YEATS2: variants seen among roughly 807,000 people sequenced by gnomAD.
The protein encoded by YEATS2 is YEATS domain-containing protein 2.
In YEATS2, 77 loss-of-function variants were observed where a neutral mutation model predicts 163.2. The ratio of observed to expected loss-of-function variants is 0.47; its 90% CI spans 0.39 to 0.57. YEATS2 has a LOEUF of 0.57. Ranked by LOEUF, YEATS2 falls within the 20% of genes least tolerant of loss-of-function variation. The pLI, the probability that YEATS2 is intolerant of heterozygous loss-of-function variation, is 0.00. For synonymous variants in YEATS2, 631 were observed against 645.1 expected, an observed-to-expected ratio of 0.98 and a Z score of 0.33; for missense variants, 1,549 against 1,729.8, an observed-to-expected ratio of 0.90 and a Z score of 1.85.
At chr3:183,729,271 CAAAAAA>C (rs879414886) in intron 7 of YEATS2, among the ~76,000 whole-genome samples, 2 of 104,202 alleles carry the variant, frequency 1.9e-5, no homozygotes, top group Non-Finnish European at 4.1e-5. Flanking sequence ...GACTCTGTCT[CAAAAAA>C]AAAAAAAAAG....
chr3:183,725,976 G>A (rs1487403438), intron 6 of YEATS2, among the ~76,000 whole-genome samples: 2 of 152,040 alleles, frequency 1.3e-5, no homozygotes, highest in Non-Finnish European at 2.9e-5. Flanking sequence ...CAAGTCATTG[G>A]GACATGAGAA....
chr3:183,794,763 G>C (rs1724978640), intron 21 of YEATS2, among the ~76,000 whole-genome samples: 1 of 152,158 alleles, frequency 6.6e-6, no homozygotes, highest in African/African-American at 2.4e-5. Flanking sequence ...TCTGTATAGG[G>C]AAGAAAGGGT....
rs770743472 is a variant in YEATS2 at position 183,806,881 on chromosome 3, TCTC to T, written c.3804_3806del (p.Ser1269del). The T allele has an allele frequency of 1.4e-5, 22 of 1,613,756 alleles. No individual in the cohort carries two copies. The highest frequency in any genetic ancestry group is 2.7e-5 in the African/African-American group (2 of 74,922). Reference sequence around the variant, plus strand: ...TGTCATTTAGAGTGCCCATCATCATTCTCCTCTGCTGACAACCTCTGCCGCAAA... The same window carrying T: ...TGTCATTTAGAGTGCCCATCATCATTCTCTGCTGACAACCTCTGCCGCAAA... On this transcript the variant is annotated inframe_deletion, in exon 28 of 31. Coordinates refer to ENST00000305135, the MANE Select transcript of YEATS2 (RefSeq NM_018023.5).
intron 7 of YEATS2, among the ~76,000 whole-genome samples, chr3:183,734,974 G>A (rs1718186906): frequency 6.6e-6 from 1 of 152,156 alleles, no homozygotes; most frequent in Non-Finnish European, 1.5e-5. Flanking sequence ...TCCATAAATA[G>A]TGTTGTTGTA....
intron 19 of YEATS2, among the ~76,000 whole-genome samples, chr3:183,782,914 G>C (rs263014): frequency 0.46 from 69,662 of 152,092 alleles, 16,315 homozygotes; most frequent in East Asian, 0.65. Flanking sequence ...AAATGGTTTA[G>C]TAAAATGGTT....
intron 9 of YEATS2, among the ~76,000 whole-genome samples, chr3:183,750,202 G>A (rs374705798): frequency 2.8e-4 from 42 of 152,268 alleles, no homozygotes; most frequent in East Asian, 2.5e-3. Flanking sequence ...CAAGCTGTCC[G>A]CCTGCCTTGG....
chr3:183,786,067 T>C, intron 19 of YEATS2, 58 bp from the exon 20 acceptor site: 3 of 1,557,476 alleles, frequency 1.9e-6, no homozygotes, highest in Non-Finnish European at 2.6e-6. Context: ...CAGTAAGGAA[T>C]GAGTTATGTC....
chr3:183,710,130 T>A (rs1203865379), intron 1 of YEATS2, among the ~76,000 whole-genome samples: 1 of 152,262 alleles, frequency 6.6e-6, no homozygotes, highest in East Asian at 1.9e-4. Flanking sequence ...ATTTTTTTCC[T>A]AGCAGTTCCT....
intron 20 of YEATS2, among the ~76,000 whole-genome samples, chr3:183,790,477 G>C (rs1724512179): frequency 6.6e-6 from 1 of 152,126 alleles, no homozygotes; most frequent in South Asian, 2.1e-4. Context: ...TATATTCTGA[G>C]AATATGTCCT....
At chr3:183,706,925 C>G (rs1285877789) in intron 1 of YEATS2, among the ~76,000 whole-genome samples, 1 of 152,162 alleles carries the variant, frequency 6.6e-6, no homozygotes, top group Non-Finnish European at 1.5e-5. Flanking sequence ...TGGAAAATTT[C>G]ACACCTGACC....
intron 20 of YEATS2, among the ~76,000 whole-genome samples, chr3:183,790,271 G>A (rs139765824): frequency 3.5e-4 from 54 of 152,296 alleles, no homozygotes; most frequent in African/African-American, 1.3e-3. Context: ...GGTGACATTT[G>A]CCTGTGCTTG....
intron 15 of YEATS2, among the ~76,000 whole-genome samples, chr3:183,770,860 A>G (rs886612364): frequency 6.6e-6 from 1 of 152,196 alleles, no homozygotes; most frequent in African/African-American, 2.4e-5. Context: ...TATTTTTAGT[A>G]TGACCTTTCG....
chr3:183,717,809 G>T, intron 3 of YEATS2, 61 bp downstream of exon 3: 1 of 967,612 alleles, frequency 1.0e-6, no homozygotes, highest in Non-Finnish European at 1.4e-6. Flanking sequence ...ATACATGATT[G>T]AAAAATAATC....
At chr3:183,722,384 G>C (rs1253452933) in intron 5 of YEATS2, among the ~76,000 whole-genome samples, 1 of 147,536 alleles carries the variant, frequency 6.8e-6, no homozygotes, top group African/African-American at 2.6e-5. Flanking sequence ...CGCCTCCCGG[G>C]TTCACGCCAT....
intron 19 of YEATS2, among the ~76,000 whole-genome samples, chr3:183,778,126 A>G (rs1723191406): frequency 2.0e-5 from 3 of 149,348 alleles, no homozygotes; most frequent in African/African-American, 5.0e-5. Context: ...AAAAAAAAAA[A>G]AAGAAAAAAA....
chr3:183,801,012 A>C, intron 24 of YEATS2: 1 of 170,072 alleles, frequency 5.9e-6, no homozygotes, highest in Non-Finnish European at 1.3e-5. Flanking sequence ...TAATTTCTAA[A>C]TCAGGAAGCC....
At chr3:183,727,385 A>C (rs944042617) in intron 6 of YEATS2, among the ~76,000 whole-genome samples, 13 of 152,174 alleles carry the variant, frequency 8.5e-5, no homozygotes, top group Non-Finnish European at 1.5e-4. Flanking sequence ...CTTGTGGCCT[A>C]GTGGGTCTGC....
At chr3:183,698,049 G>C (rs1417865529) in intron 1 of YEATS2, 56 bp downstream of exon 1, 2 of 152,220 alleles carry the variant, frequency 1.3e-5, no homozygotes, top group African/African-American at 2.4e-5. Context: ...CGCTCTCCGG[G>C]GCATTGTTTG....
intron 8 of YEATS2, among the ~76,000 whole-genome samples, chr3:183,744,382 G>T (rs982467295): frequency 6.6e-6 from 1 of 152,030 alleles, no homozygotes; most frequent in Non-Finnish European, 1.5e-5. Flanking sequence ...CTCCCAAAGT[G>T]CTGGGATTAC....
Sources: gnomAD v4.1 joint callset for allele counts (sites outside exome capture counted in the v4.1 genomes callset) on GRCh38, gnomAD v4.1.1 for gene constraint, MANE v1.5 for transcripts, NCBI Gene and HGNC (gene_info 2026-07-23, HGNC 2026-07-21) for gene names.